CDCA2: variants seen among roughly 807,000 people sequenced by gnomAD.
CDCA2 encodes cell division cycle associated 2.
CDCA2 carries 44 observed loss-of-function variants against 67.0 expected under a neutral mutation model. The observed-to-expected ratio is 0.66, with a 90% CI of 0.52 to 0.84. CDCA2 has a LOEUF of 0.84. Among genes scored for constraint, CDCA2 ranks in the 40% least tolerant of loss-of-function variants. The pLI is 0.00. For synonymous variants in CDCA2, 447 were observed against 418.7 expected, an observed-to-expected ratio of 1.07 and a Z score of -0.82; for missense variants, 1,253 against 1,203.2, an observed-to-expected ratio of 1.04 and a Z score of -0.61.
chr8:25,488,785 A>C, intron 13 of CDCA2, 96 bp downstream of exon 13: 1 of 1,254,660 alleles, frequency 8.0e-7, no homozygotes, highest in African/African-American at 1.5e-5. Context: ...TTTCCAGTTG[A>C]CTTTGGACCA....
chr8:25,503,467 TC>T lies in CDCA2; in HGVS notation c.1768del (p.Leu590SerfsTer13), dbSNP rs780446509. 3 of 1,613,706 alleles carry T rather than the reference TC, an allele frequency of 1.9e-6. No individual in the cohort carries two copies. The highest frequency in any genetic ancestry group is 2.5e-6 in the Non-Finnish European group (3 of 1,179,736). ...AGAGACATTGCTTCTAAGAAGCCCC[TC>T]CTCAGTCCTATTCCCGAGCTGCCTG... ...GERDIASKKP[L>X]LSPIPELPEV... On this transcript the variant is annotated frameshift_variant, in exon 14 of 15. Transcript: ENST00000330560. LOFTEE classifies it high-confidence loss of function.
At chr8:25,500,275 A>G (rs1804421609) in intron 13 of CDCA2, among the ~76,000 whole-genome samples, 1 of 135,872 alleles carries the variant, frequency 7.4e-6, no homozygotes, top group African/African-American at 2.8e-5. Flanking sequence ...TTTTCCCCAT[A>G]TATCAGAAGC....
In CDCA2 at chr8:25,503,426, A is replaced by G; in HGVS notation, c.1725A>G (p.Lys575=). The G allele has an allele frequency of 6.2e-7, 1 of 1,614,192 alleles. No individual in the cohort carries two copies. Among genetic ancestry groups the G allele is most frequent in the African/African-American group, 1.3e-5 (1 of 75,058 alleles). Residue 575 remains lysine (K), a synonymous_variant, in exon 14 of 15, where the codon AAA becomes AAG. Coordinates refer to ENST00000330560, the MANE Select transcript of CDCA2 (RefSeq NM_152562.4). Reference sequence around the variant, plus strand: ...GAAAGGGAAAGAAAAGTGTTCAGAAATCTTTATATGGGGAAAGAGACATTG... The same window carrying G: ...GAAAGGGAAAGAAAAGTGTTCAGAAGTCTTTATATGGGGAAAGAGACATTG... ...KKGKGKKSVQ[K]SLYGERDIAS... is the part of the protein sequence containing the mutation.
intron 7 of CDCA2, among the ~76,000 whole-genome samples, chr8:25,473,869 C>T (rs753594348): frequency 6.6e-6 from 1 of 152,196 alleles, no homozygotes; most frequent in Admixed American, 6.5e-5. Context: ...GAATGCCTTA[C>T]AGTAGCTTCT....
chr8:25,484,403 G>A (rs1372996164), intron 10 of CDCA2, among the ~76,000 whole-genome samples, 193 bp downstream of exon 10: 1 of 152,038 alleles, frequency 6.6e-6, no homozygotes, highest in Non-Finnish European at 1.5e-5. Context: ...CTGACTCCTT[G>A]TACATATTGA....
rs1803683867 is a variant in CDCA2, at chr8:25,484,351, G to A, written c.1365+141G>A. 4.1e-6 allele frequency: 5 copies of A among 1,224,462 alleles called. No homozygotes were observed. In the African/African-American group the frequency reaches 6.0e-5, roughly 15 times the overall value. 75.8% of individuals were successfully genotyped at this position (1,224,462 alleles called of 1,614,324 possible). A position where few individuals can be genotyped will look rare whatever the true frequency, so the allele number is the denominator to read the frequency against. The stretch of plus-strand genomic sequence containing the variant: ...TGGTTTAAATTAATCTATTTTGTAT[G>A]TAGGTTTTTATGAGTTTTTGCCCAT... On this transcript the variant is annotated intron_variant, in intron 10 of 14. Coordinates refer to ENST00000330560, the MANE Select transcript of CDCA2 (RefSeq NM_152562.4).
rs989767899 is a variant in CDCA2 at position 25,506,570 on chromosome 8, G to A, written c.1904G>A (p.Arg635Lys). Reference sequence around the variant, plus strand: ...AAGACTCCTAAAAATCCAGTGAAAAGAAAGGATCTTTTGCGTCATGACCCA... The same window carrying A: ...AAGACTCCTAAAAATCCAGTGAAAAAAAAGGATCTTTTGCGTCATGACCCA... Reference protein sequence around the residue: ...EVKTPKNPVKRKDLLRHDPDL... With the variant: ...EVKTPKNPVKKKDLLRHDPDL... Residue 635 changes from arginine to lysine, a missense_variant, in exon 15 of 15, where the codon AGA becomes AAA. Physicochemically the swap from Arg to Lys is conservative, Grantham distance 26. Transcript: ENST00000330560. The A allele has an allele frequency of 2.5e-6, 4 of 1,600,918 alleles. No individual in the cohort carries two copies. The highest frequency in any genetic ancestry group is 3.4e-6 in the Non-Finnish European group (4 of 1,176,832).
At chr8:25,474,606 A>G (rs1174771106) in intron 7 of CDCA2, among the ~76,000 whole-genome samples, 3 of 152,148 alleles carry the variant, frequency 2.0e-5, no homozygotes, top group African/African-American at 7.2e-5. Context: ...TCTGAAGTCA[A>G]ATGATATTGC....
In CDCA2 at chr8:25,503,543, A is replaced by G; in HGVS notation, c.1842A>G (p.Ser614=). The change falls in exon 14 of 15, where the codon TCA becomes TCG. Residue 614 remains serine, a splice_region_variant and synonymous_variant. Transcript: ENST00000330560. ...TTCCGAGCATCCGAAGACTGGGTTC[A>G]GGTATCCTGACATTTTCCTGGTAGT... ...PSIPSIRRLG[S]GYFSSNGKLE... 1 of 1,591,982 alleles carries G rather than the reference A, an allele frequency of 6.3e-7. No individual in the cohort carries two copies. Among genetic ancestry groups the G allele is most frequent in the Non-Finnish European group, 8.5e-7 (1 of 1,173,260 alleles).
rs143428579 is a variant in CDCA2 at position 25,506,939 on chromosome 8, A to T, written c.2273A>T (p.Asp758Val). Reference sequence around the variant, plus strand: ...TGTCAGTTCTTTAAAATTTCACCAGATTTAAACATAAAGTGTGAAAGAAAG... The same window carrying T: ...TGTCAGTTCTTTAAAATTTCACCAGTTTTAAACATAAAGTGTGAAAGAAAG... ...NLCQFFKISP[D>V]LNIKCERKDD... The change falls in exon 15 of 15, where the codon GAT becomes GTT. Residue 758 changes from aspartate to valine, a missense_variant. Transcript: ENST00000330560. 1 of 1,613,210 alleles carries T rather than the reference A, an allele frequency of 6.2e-7. No individual in the cohort carries two copies.
chr8:25,474,562 T>G (rs1215341553), intron 7 of CDCA2, among the ~76,000 whole-genome samples: 2 of 152,212 alleles, frequency 1.3e-5, no homozygotes, highest in African/African-American at 4.8e-5. Flanking sequence ...ATCCTTTGTA[T>G]TTTGGTGTCA....
chr8:25,465,897 G>A (rs1802879920), intron 4 of CDCA2, among the ~76,000 whole-genome samples: 1 of 152,170 alleles, frequency 6.6e-6, no homozygotes, highest in African/African-American at 2.4e-5. Flanking sequence ...GGTTCCTCCT[G>A]TCCCTTTTTT....
chr8:25,464,814 A>G (rs1382672367), intron 4 of CDCA2, among the ~76,000 whole-genome samples: 1 of 152,164 alleles, frequency 6.6e-6, no homozygotes, highest in Non-Finnish European at 1.5e-5. Flanking sequence ...ATTGCTGTTT[A>G]TGTCGTGAAC....
At chr8:25,501,727 A>G (rs1325666381) in intron 13 of CDCA2, among the ~76,000 whole-genome samples, 1 of 152,166 alleles carries the variant, frequency 6.6e-6, no homozygotes, top group African/African-American at 2.4e-5. Context: ...TCACACAGCC[A>G]GTCATGGTGC....
intron 9 of CDCA2, among the ~76,000 whole-genome samples, 183 bp from the exon 10 acceptor site, chr8:25,483,783 G>C (rs1169531952): frequency 1.3e-5 from 2 of 152,056 alleles, no homozygotes; most frequent in Non-Finnish European, 2.9e-5. Context: ...ATTTTAATTG[G>C]AAATGTGCTT....
intron 14 of CDCA2, among the ~76,000 whole-genome samples, chr8:25,504,923 C>T (rs1804618847): frequency 6.6e-6 from 1 of 152,202 alleles, no homozygotes; most frequent in Admixed American, 6.5e-5. Context: ...ATTTTCATTA[C>T]ATCTCTAGTT....
At chr8:25,461,152 A>T (rs936818072) in intron 3 of CDCA2, among the ~76,000 whole-genome samples, 3 of 151,630 alleles carry the variant, frequency 2.0e-5, no homozygotes, top group African/African-American at 7.3e-5. Flanking sequence ...CTGTAATCCC[A>T]GCTACTCAGG....
chr8:25,468,139 A>AAT, intron 5 of CDCA2, 78 bp from the exon 6 acceptor site: 8 of 558,546 alleles, frequency 1.4e-5, no homozygotes, highest in Non-Finnish European at 2.0e-5. Flanking sequence ...AAAAAAAAAA[A>AAT]GAAAAGAAAA....
At chr8:25,464,411 G>A (rs1299019825) in intron 4 of CDCA2, among the ~76,000 whole-genome samples, 3 of 152,310 alleles carry the variant, frequency 2.0e-5, no homozygotes, top group Non-Finnish European at 2.9e-5. Context: ...GCAAGACCTT[G>A]TCTCAAATAA....
Sources: allele counts gnomAD v4.1 joint callset (sites outside exome capture counted in the v4.1 genomes callset), GRCh38; gene constraint gnomAD v4.1.1; transcripts MANE v1.5; gene names NCBI Gene and HGNC (gene_info 2026-07-23, HGNC 2026-07-21).